INO80D: variants seen among roughly 807,000 people sequenced by gnomAD.
The protein encoded by INO80D is INO80 complex subunit D.
A neutral mutation model predicts 87.6 loss-of-function variants in INO80D; 21 were observed. That is an observed-to-expected ratio of 0.24 (90% confidence interval 0.17 to 0.35). The LOEUF is 0.35. Among genes scored for constraint, INO80D ranks in the 10% least tolerant of loss-of-function variants. INO80D has a pLI of 1.00. For synonymous variants in INO80D, 440 were observed against 491.0 expected, an observed-to-expected ratio of 0.90 and a Z score of 1.37; for missense variants, 982 against 1,280.7, an observed-to-expected ratio of 0.77 and a Z score of 3.56.
chr2:206,005,894 T>A (rs1394579411), intron 10 of INO80D, among the ~76,000 whole-genome samples: 1 of 152,180 alleles, frequency 6.6e-6, no homozygotes, highest in African/African-American at 2.4e-5. Flanking sequence ...ATCATTAACA[T>A]AGAAAACATA....
chr2:206,065,083 G>C (rs1165665478), intron 1 of INO80D, among the ~76,000 whole-genome samples: 1 of 152,074 alleles, frequency 6.6e-6, no homozygotes, highest in Admixed American at 6.6e-5. Context: ...ACTTAAAATG[G>C]ATCAAAGACC....
rs918530108 is a variant in INO80D, at chr2:205,996,303, G to GA, written c.*8064dup. 1 of 145,854 alleles carries GA rather than the reference G, an allele frequency of 6.9e-6. No individual in the cohort carries two copies. Among genetic ancestry groups the GA allele is most frequent in the East Asian group, 2.0e-4 (1 of 5,098 alleles). The allele number at this position is 145,854 out of a possible 1,614,324, so 9.0% of individuals were successfully genotyped here. A position where few individuals can be genotyped will look rare whatever the true frequency, so the allele number is the denominator to read the frequency against. Reference sequence around the variant, plus strand: ...GGCTAGAAGAGACAGAATTAAGGGGGAAAAAAACCACAATGATGTGTGATT... The same window carrying GA: ...GGCTAGAAGAGACAGAATTAAGGGGGAAAAAAAACCACAATGATGTGTGATT... On this transcript the variant is annotated 3_prime_UTR_variant, in exon 11 of 11. Coordinates refer to ENST00000403263, the MANE Select transcript of INO80D (RefSeq NM_017759.5).
At chr2:206,031,408 G>A (rs1688762921) in intron 5 of INO80D, among the ~76,000 whole-genome samples, 1 of 152,182 alleles carries the variant, frequency 6.6e-6, no homozygotes, top group Non-Finnish European at 1.5e-5. Context: ...ATAGAAAAAG[G>A]AAATGGAGAG....
chr2:206,085,816 G>C lies in INO80D; in HGVS notation c.-124+85C>G, dbSNP rs558936180. On this transcript the variant is annotated intron_variant, in intron 1 of 10. Transcript: ENST00000403263. This position sits in a 1 kb window ranked among gnomAD's most constrained non-coding sequence, Gnocchi z 4.5. Reference sequence around the variant, plus strand: ...TCCCCGGCCTCACGTAAGCGCGCTCGCCGCCCGCCCAGCCTGCGCGGCCCA... The same window carrying C: ...TCCCCGGCCTCACGTAAGCGCGCTCCCCGCCCGCCCAGCCTGCGCGGCCCA... The C allele has an allele frequency of 6.6e-6, 1 of 151,816 alleles. No individual in the cohort carries two copies. The highest frequency in any genetic ancestry group is 1.5e-5 in the Non-Finnish European group (1 of 68,006). 9.4% of individuals were successfully genotyped at this position (151,816 alleles called of 1,614,324 possible).
rs1254993483 is a variant in INO80D at position 205,994,993 on chromosome 2, A to G, written c.*9375T>C. On this transcript the variant is annotated 3_prime_UTR_variant, in exon 11 of 11. Coordinates refer to ENST00000403263, the MANE Select transcript of INO80D (RefSeq NM_017759.5). The stretch of plus-strand genomic sequence containing the variant: ...TGCCTTCTTTCAAATTTGAATTTTG[A>G]ACAAGGCAAAATAACAATTAGGTGA... The G allele has an allele frequency of 6.6e-6, 1 of 152,126 alleles. No individual in the cohort carries two copies. The highest frequency in any genetic ancestry group is 1.5e-5 in the Non-Finnish European group (1 of 68,002). The allele number at this position is 152,126 out of a possible 1,614,324, so 9.4% of individuals were successfully genotyped here. A position where few individuals can be genotyped will look rare whatever the true frequency, so the allele number is the denominator to read the frequency against.
chr2:206,033,627 CAA>C (rs1318552304), intron 5 of INO80D, among the ~76,000 whole-genome samples: 2 of 152,032 alleles, frequency 1.3e-5, no homozygotes, highest in Non-Finnish European at 2.9e-5. Flanking sequence ...ACGCCTACAT[CAA>C]AAAGACTGAA....
intron 9 of INO80D, 108 bp downstream of exon 9, chr2:206,009,469 A>C: frequency 1.1e-6 from 1 of 896,806 alleles, no homozygotes. Flanking sequence ...GATATACTAA[A>C]TGGTTTCTGT....
intron 3 of INO80D, among the ~76,000 whole-genome samples, chr2:206,059,418 T>A (rs1350769349): frequency 6.6e-6 from 1 of 152,062 alleles, no homozygotes; most frequent in Admixed American, 6.6e-5. Flanking sequence ...GAGAACCTAT[T>A]TTTACTGTAG....
intron 1 of INO80D, among the ~76,000 whole-genome samples, chr2:206,072,313 G>C (rs1689993419): frequency 6.6e-6 from 1 of 151,822 alleles, no homozygotes; most frequent in South Asian, 2.1e-4. Context: ...GTCTCGCTCT[G>C]TCACCCAGGC....
At chr2:206,019,632 C>A (rs141138059) in intron 7 of INO80D, 104 bp downstream of exon 7, 2 of 704,924 alleles carry the variant, frequency 2.8e-6, no homozygotes, top group Non-Finnish European at 4.7e-6. Context: ...AAACATTAAA[C>A]AGTTATGGTT....
Position 206,046,626 on chromosome 2 carries a change from G to C in INO80D, c.965-14C>G, listed in dbSNP as rs778987231. 9 of 1,519,798 alleles carry C rather than the reference G, an allele frequency of 5.9e-6. No homozygotes were observed. In the South Asian group the frequency reaches 1.0e-4, roughly 18 times the overall value. The allele number at this position is 1,519,798 out of a possible 1,614,324, so 94.1% of individuals were successfully genotyped here. On this transcript the variant is annotated splice_polypyrimidine_tract_variant and intron_variant, in intron 4 of 10. Coordinates refer to ENST00000403263, the MANE Select transcript of INO80D (RefSeq NM_017759.5). ...ACCAGTCCAAACCTGGGTTAGACAGGAGATATTGCAAATTAGAAAAAGTTT... is the reference window on the plus strand; with the variant it reads ...ACCAGTCCAAACCTGGGTTAGACAGCAGATATTGCAAATTAGAAAAAGTTT...
At chr2:206,046,960 T>A (rs1186206195) in intron 4 of INO80D, among the ~76,000 whole-genome samples, 1 of 152,136 alleles carries the variant, frequency 6.6e-6, no homozygotes, top group Non-Finnish European at 1.5e-5. Flanking sequence ...TTTGTATTTT[T>A]AGTAGAGACA....
At chr2:206,039,745 G>A (rs1688990504) in intron 5 of INO80D, among the ~76,000 whole-genome samples, 1 of 148,662 alleles carries the variant, frequency 6.7e-6, no homozygotes, top group South Asian at 2.1e-4. Flanking sequence ...AGGAGGTGGA[G>A]GTTGCAGTGA....
intron 1 of INO80D, among the ~76,000 whole-genome samples, chr2:206,075,817 G>A (rs1204217126): frequency 6.6e-6 from 1 of 151,612 alleles, no homozygotes; most frequent in Non-Finnish European, 1.5e-5. Context: ...ACTTTGGGAG[G>A]CTGAGGCAGG....
At chr2:206,050,434 G>A (rs1334424642) in intron 4 of INO80D, among the ~76,000 whole-genome samples, 7 of 147,784 alleles carry the variant, frequency 4.7e-5, no homozygotes, top group Admixed American at 4.7e-4. Context: ...GGAGGTTGCA[G>A]TGAGCCGAGA....
chr2:206,080,147 T>C (rs571789411), intron 1 of INO80D, among the ~76,000 whole-genome samples: 1 of 152,336 alleles, frequency 6.6e-6, no homozygotes, highest in Non-Finnish European at 1.5e-5. Flanking sequence ...GTGTCTCTAT[T>C]GCAAAGCTCA....
At chr2:206,049,519 T>C (rs906589997) in intron 4 of INO80D, among the ~76,000 whole-genome samples, 1 of 152,180 alleles carries the variant, frequency 6.6e-6, no homozygotes, top group Non-Finnish European at 1.5e-5. Context: ...TGACTTTCTC[T>C]GAGGAAGTCA....
At position 206,068,453 on chromosome 2, in the gene INO80D, A is replaced by G. The variant is rs556920165; in HGVS notation, c.-123-5209T>C. Among the ~76,000 whole-genome samples, 26 of 152,232 alleles carry G rather than the reference A, an allele frequency of 1.7e-4. No homozygotes were observed. In the South Asian group the frequency reaches 5.4e-3, roughly 32 times the overall value. ...AACTAAACTATTTCTTACAGGACAA[A>G]TGTGGCCCACTGTCTGTTTTTGTAA... On this transcript the variant is annotated intron_variant, in intron 1 of 10. Coordinates refer to ENST00000403263, the MANE Select transcript of INO80D (RefSeq NM_017759.5).
rs1687911980 is a variant in INO80D, at chr2:206,001,840, T to A, written c.*2528A>T. ...TCATGGGCATCCAAACGAAAATGTATTTACTCAAAGTTTTTGGTGTGAAGC... is the reference window on the plus strand; with the variant it reads ...TCATGGGCATCCAAACGAAAATGTAATTACTCAAAGTTTTTGGTGTGAAGC... On this transcript the variant is annotated 3_prime_UTR_variant, in exon 11 of 11. Coordinates refer to ENST00000403263, the MANE Select transcript of INO80D (RefSeq NM_017759.5). 1 of 152,244 alleles carries A rather than the reference T, an allele frequency of 6.6e-6. No homozygotes were observed. Among genetic ancestry groups the A allele is most frequent in the African/African-American group, 2.4e-5 (1 of 41,458 alleles). 9.4% of individuals were successfully genotyped at this position (152,244 alleles called of 1,614,324 possible).
Sources: allele counts gnomAD v4.1 joint callset (sites outside exome capture counted in the v4.1 genomes callset), GRCh38; gene constraint gnomAD v4.1.1; non-coding constraint Gnocchi (gnomAD v3.1); transcripts MANE v1.5; gene names NCBI Gene and HGNC (gene_info 2026-07-23, HGNC 2026-07-21).